Variants in CEP112 observed in about 807,000 individuals in gnomAD.
CEP112 encodes centrosomal protein 112.
In CEP112, 127 loss-of-function variants were observed where a neutral mutation model predicts 153.0. That is an observed-to-expected ratio of 0.83 (90% CI 0.72 to 0.96). The LOEUF (loss-of-function observed/expected upper bound fraction) is 0.96, where lower values mean the gene tolerates loss of function less well. Ranked by LOEUF, CEP112 falls within the 40% of genes least tolerant of loss-of-function variation. CEP112 has a pLI of 0.00. For synonymous variants in CEP112, 358 were observed against 374.4 expected (o/e 0.96, Z 0.51); for missense variants, 1,089 against 1,101.2 (o/e 0.99, Z 0.16).
intron 22 of CEP112, among the ~76,000 whole-genome samples, chr17:65,748,575 TA>T (rs1193505212): frequency 1.3e-5 from 2 of 152,242 alleles, no homozygotes; most frequent in Non-Finnish European, 2.9e-5. Flanking sequence ...TCACATTCGT[TA>T]AGTGCTTTAG....
intron 21 of CEP112, among the ~76,000 whole-genome samples, chr17:65,829,049 C>A (rs1183174965): frequency 6.6e-6 from 1 of 151,894 alleles, no homozygotes; most frequent in Non-Finnish European, 1.5e-5. Flanking sequence ...ATGCACTGCA[C>A]CCTAGGCATC....
intron 17 of CEP112, among the ~76,000 whole-genome samples, chr17:65,964,225 G>A (rs149895327): frequency 2.3e-3 from 351 of 152,310 alleles, no homozygotes; most frequent in African/African-American, 8.0e-3. Flanking sequence ...TTAACTGGCT[G>A]TTAAGTTCTA....
chr17:65,788,590 AGAGTT>A (rs1326536632), intron 21 of CEP112, among the ~76,000 whole-genome samples: 8 of 152,116 alleles, frequency 5.3e-5, no homozygotes, highest in African/African-American at 1.9e-4. Context: ...CAGGACTATT[AGAGTT>A]TTCTATTCTT....
intron 17 of CEP112, among the ~76,000 whole-genome samples, chr17:65,976,984 C>A (rs979414498): frequency 6.6e-6 from 1 of 152,186 alleles, no homozygotes; most frequent in African/African-American, 2.4e-5. Context: ...GTGATCCGCC[C>A]GCCTAGGGCT....
At chr17:65,838,808 A>G (rs1300027025) in intron 21 of CEP112, among the ~76,000 whole-genome samples, 1 of 152,078 alleles carries the variant, frequency 6.6e-6, no homozygotes, top group Non-Finnish European at 1.5e-5. Flanking sequence ...CAGAAATAAA[A>G]AGGGAGACAC....
intron 1 of CEP112, among the ~76,000 whole-genome samples, chr17:66,184,128 G>A (rs1411557778): frequency 3.9e-5 from 6 of 152,166 alleles, no homozygotes; most frequent in East Asian, 3.9e-4. Flanking sequence ...GTAGTGGCAC[G>A]TACCTGTAGT....
intron 24 of CEP112, among the ~76,000 whole-genome samples, chr17:65,660,136 T>G (rs1168352593): frequency 6.6e-6 from 1 of 151,320 alleles, no homozygotes; most frequent in Non-Finnish European, 1.5e-5. Flanking sequence ...ATGGAAAAAC[T>G]AACTCAAGGT....
chr17:65,686,584 C>T (rs1454475217), intron 24 of CEP112, among the ~76,000 whole-genome samples: 1 of 152,200 alleles, frequency 6.6e-6, no homozygotes, highest in African/African-American at 2.4e-5. Context: ...CTTTTAATTA[C>T]AAGCATCATC....
chr17:65,970,766 A>G (rs2062714650), intron 17 of CEP112, among the ~76,000 whole-genome samples: 1 of 47,188 alleles, frequency 2.1e-5, no homozygotes, highest in African/African-American at 6.2e-5. Flanking sequence ...CAGGTATGTT[A>G]CATGTTACAT....
intron 25 of CEP112, among the ~76,000 whole-genome samples, chr17:65,640,086 C>T (rs1444454933): frequency 1.3e-5 from 2 of 148,740 alleles, no homozygotes; most frequent in African/African-American, 5.0e-5. Context: ...GATCTGCCCG[C>T]TGTGGCCTCC....
chr17:66,141,893 C>T (rs2070717671), intron 4 of CEP112, among the ~76,000 whole-genome samples: 1 of 152,056 alleles, frequency 6.6e-6, no homozygotes, highest in East Asian at 1.9e-4. Flanking sequence ...AGCTTTACAC[C>T]CAGAAGAGGG....
chr17:65,689,230 TAAAATAAAGATATCATTAATAATTAGCAC>T lies in CEP112; in HGVS notation c.2608-41_2608-13del. The T allele has an allele frequency of 1.3e-6, 2 of 1,583,438 alleles. No homozygotes were observed. The highest frequency in any genetic ancestry group is 2.2e-5 in the South Asian group (2 of 90,404). On this transcript the variant is annotated splice_polypyrimidine_tract_variant and intron_variant, in intron 23 of 26. Transcript: ENST00000535342. ...TCATCTTGTAAAACCTGAAACGGTA[TAAAATAAAGATATCATTAATAATTAGCAC>T]ACTTGGAAAAATAGTTCTACACCAT...
intron 21 of CEP112, among the ~76,000 whole-genome samples, chr17:65,844,367 C>T (rs1389290108): frequency 6.6e-6 from 1 of 152,184 alleles, no homozygotes; most frequent in Non-Finnish European, 1.5e-5. Flanking sequence ...TGATGCCAAT[C>T]TCCACATTAA....
intron 21 of CEP112, among the ~76,000 whole-genome samples, chr17:65,759,575 A>G (rs2052488892): frequency 6.6e-6 from 1 of 152,220 alleles, no homozygotes; most frequent in Non-Finnish European, 1.5e-5. Flanking sequence ...AAATGTGCAA[A>G]TTTGTAAAAC....
chr17:66,042,152 C>A (rs889096314), intron 12 of CEP112, among the ~76,000 whole-genome samples: 1 of 152,090 alleles, frequency 6.6e-6, no homozygotes, highest in African/African-American at 2.4e-5. Context: ...AGTTCGAGAC[C>A]AGCCTGGCCA....
At chr17:66,098,353 C>T (rs2068431745) in intron 6 of CEP112, among the ~76,000 whole-genome samples, 1 of 152,128 alleles carries the variant, frequency 6.6e-6, no homozygotes, top group Admixed American at 6.6e-5. Flanking sequence ...CTGGAGTGTA[C>T]TATGAGGATC....
chr17:65,866,708 T>G (rs2058498164), intron 20 of CEP112, among the ~76,000 whole-genome samples: 1 of 151,926 alleles, frequency 6.6e-6, no homozygotes, highest in African/African-American at 2.4e-5. Flanking sequence ...CAGGGTCCCC[T>G]CTCTGCTGAG....
chr17:65,973,659 A>G (rs1185292323), intron 17 of CEP112, among the ~76,000 whole-genome samples: 1 of 152,192 alleles, frequency 6.6e-6, no homozygotes, highest in African/African-American at 2.4e-5. Context: ...GTCTGCTTCC[A>G]TTTATCTAAA....
intron 16 of CEP112, among the ~76,000 whole-genome samples, chr17:66,017,692 G>A (rs2064829198): frequency 1.3e-5 from 2 of 152,004 alleles, no homozygotes; most frequent in African/African-American, 4.8e-5. Flanking sequence ...AATACTTTTG[G>A]TGGGTTAAAA....
Sources: allele counts gnomAD v4.1 joint callset (sites outside exome capture counted in the v4.1 genomes callset), GRCh38; gene constraint gnomAD v4.1.1; transcripts MANE v1.5; gene names NCBI Gene and HGNC (gene_info 2026-07-23, HGNC 2026-07-21).